DPP10: variants seen among roughly 807,000 people sequenced by gnomAD.
DPP10 encodes dipeptidyl peptidase like 10, also known as inactive dipeptidyl peptidase 10.
Under a neutral mutation model 120.9 loss-of-function variants are expected in DPP10, and 33 were observed. That is an observed-to-expected ratio of 0.27 (90% confidence interval 0.21 to 0.37). The LOEUF (loss-of-function observed/expected upper bound fraction) is 0.37, where lower values mean the gene tolerates loss of function less well. Among genes scored for constraint, DPP10 ranks in the 10% least tolerant of loss-of-function variants. DPP10 has a pLI of 1.00. For synonymous variants in DPP10, 337 were observed against 326.1 expected (o/e 1.03, Z -0.36); for missense variants, 816 against 942.8 (o/e 0.87, Z 1.76).
At chr2:115,465,523 G>A (rs910939546) in intron 3 of DPP10, among the ~76,000 whole-genome samples, 84 of 152,200 alleles carry the variant, frequency 5.5e-4, no homozygotes, top group African/African-American at 1.5e-3. Context: ...GTCTAAATGC[G>A]TTAAAATGGA....
At chr2:114,920,521 A>G (rs1020255476) in intron 1 of DPP10, among the ~76,000 whole-genome samples, 1 of 152,200 alleles carries the variant, frequency 6.6e-6, no homozygotes, top group Non-Finnish European at 1.5e-5. Context: ...CTAGTGGAGG[A>G]GTCACTGAAC....
At chr2:115,020,989 C>G (rs1324582694) in intron 1 of DPP10, among the ~76,000 whole-genome samples, 1 of 151,922 alleles carries the variant, frequency 6.6e-6, no homozygotes, top group African/African-American at 2.4e-5. Context: ...CTGACACAAC[C>G]TATCAAAACC....
intron 1 of DPP10, among the ~76,000 whole-genome samples, chr2:115,116,746 A>G (rs549768599): frequency 6.8e-4 from 103 of 152,278 alleles, no homozygotes; most frequent in African/African-American, 2.4e-3. Flanking sequence ...TTTCCTAACT[A>G]TTGATCTTAT....
intron 7 of DPP10, among the ~76,000 whole-genome samples, chr2:115,716,644 A>G (rs960298002): frequency 2.0e-5 from 3 of 152,144 alleles, no homozygotes; most frequent in Non-Finnish European, 4.4e-5. Flanking sequence ...CTTTTCTATG[A>G]TTATTTTACT....
At chr2:114,975,459 G>A (rs893617952) in intron 1 of DPP10, among the ~76,000 whole-genome samples, 2 of 152,126 alleles carry the variant, frequency 1.3e-5, no homozygotes, top group African/African-American at 4.8e-5. Context: ...TGATTATACT[G>A]AAAGGAAAAA....
chr2:115,800,273 G>C (rs1268331812), intron 19 of DPP10, among the ~76,000 whole-genome samples: 2 of 151,588 alleles, frequency 1.3e-5, no homozygotes, highest in Non-Finnish European at 1.5e-5. Context: ...CCCACTTTTT[G>C]ATGGGGTTGT....
At chr2:115,061,138 A>G (rs1257139695) in intron 1 of DPP10, among the ~76,000 whole-genome samples, 1 of 152,198 alleles carries the variant, frequency 6.6e-6, no homozygotes, top group Non-Finnish European at 1.5e-5. Flanking sequence ...AATAAACAAT[A>G]TTGAGAAATG....
At chr2:115,322,134 T>G (rs1321837920) in intron 2 of DPP10, among the ~76,000 whole-genome samples, 1 of 152,162 alleles carries the variant, frequency 6.6e-6, no homozygotes, top group Non-Finnish European at 1.5e-5. Context: ...GTGTACATCT[T>G]GAATATTACA....
intron 13 of DPP10, among the ~76,000 whole-genome samples, chr2:115,770,659 T>G (rs569110554): frequency 6.6e-6 from 1 of 152,262 alleles, no homozygotes; most frequent in East Asian, 1.9e-4. Context: ...ATGGTTTGAA[T>G]CACCTTGCCT....
chr2:115,467,281 G>A (rs2074386789), intron 3 of DPP10, among the ~76,000 whole-genome samples: 1 of 152,032 alleles, frequency 6.6e-6, no homozygotes, highest in African/African-American at 2.4e-5. Context: ...AGAGACACTG[G>A]CCAGGGGCAG....
intron 1 of DPP10, among the ~76,000 whole-genome samples, chr2:114,918,022 C>T (rs2106636111): frequency 6.6e-6 from 1 of 152,198 alleles, no homozygotes; most frequent in Non-Finnish European, 1.5e-5. Context: ...AAACAATCTA[C>T]AGAATGGGAG....
intron 1 of DPP10, among the ~76,000 whole-genome samples, chr2:114,827,027 G>T (rs987329004): frequency 3.3e-5 from 5 of 152,078 alleles, no homozygotes; most frequent in Non-Finnish European, 7.4e-5. Context: ...TCTGGGAGGT[G>T]GTGAACGTCA....
intron 1 of DPP10, among the ~76,000 whole-genome samples, chr2:115,014,948 C>G (rs1485361568): frequency 6.6e-6 from 1 of 151,054 alleles, no homozygotes; most frequent in Non-Finnish European, 1.5e-5. Flanking sequence ...ACCATTCTTT[C>G]TGAAACTCTT....
chr2:114,701,109 A>C (rs186532745), intron 1 of DPP10, among the ~76,000 whole-genome samples: 1 of 152,140 alleles, frequency 6.6e-6, no homozygotes, highest in Non-Finnish European at 1.5e-5. Flanking sequence ...ATAAATCTCT[A>C]GATAAATGAT....
intron 1 of DPP10, among the ~76,000 whole-genome samples, chr2:114,580,621 G>A (rs745512032): frequency 6.6e-6 from 1 of 151,904 alleles, no homozygotes; most frequent in Non-Finnish European, 1.5e-5. Context: ...TACTTTGCCA[G>A]CTCCTGCCTG....
At chr2:115,335,704 C>T (rs983366300) in intron 2 of DPP10, among the ~76,000 whole-genome samples, 9 of 152,114 alleles carry the variant, frequency 5.9e-5, no homozygotes, top group African/African-American at 2.2e-4. Flanking sequence ...TTTCATCTAG[C>T]TGTGCAAGGA....
At chr2:115,273,069 A>C (rs917294576) in intron 1 of DPP10, among the ~76,000 whole-genome samples, 1 of 152,076 alleles carries the variant, frequency 6.6e-6, no homozygotes, top group African/African-American at 2.4e-5. Context: ...TTGGAAATAG[A>C]TAGATGAGAG....
At chr2:115,732,371 T>C (rs898945100) in intron 8 of DPP10, among the ~76,000 whole-genome samples, 11 of 152,204 alleles carry the variant, frequency 7.2e-5, no homozygotes, top group Non-Finnish European at 1.3e-4. Context: ...ATAGAGTCCT[T>C]AAAAGTGTCA....
intron 1 of DPP10, among the ~76,000 whole-genome samples, chr2:114,507,315 C>G (rs752035444): frequency 1.8e-4 from 28 of 152,156 alleles, no homozygotes; most frequent in Non-Finnish European, 3.2e-4. Context: ...TCCTAAAGTG[C>G]TGGCATTACA....
Sources: gnomAD v4.1 joint callset for allele counts (sites outside exome capture counted in the v4.1 genomes callset) on GRCh38, gnomAD v4.1.1 for gene constraint, MANE v1.5 for transcripts, NCBI Gene and HGNC (gene_info 2026-07-23, HGNC 2026-07-21) for gene names.